SV2B: variants seen among roughly 807,000 people sequenced by gnomAD.
SV2B encodes solute carrier family 22 member B2.
A neutral mutation model predicts 73.9 loss-of-function variants in SV2B; 41 were observed. The observed-to-expected ratio is 0.56, with a 90% CI of 0.43 to 0.72. The LOEUF (loss-of-function observed/expected upper bound fraction) is 0.72, where lower values mean the gene tolerates loss of function less well. SV2B is among the 30% of genes least tolerant of loss of function. SV2B has a pLI of 0.00. For missense variants in SV2B, 764 were observed against 857.8 expected (o/e 0.89, Z 1.37); for synonymous variants, 314 against 314.2 (o/e 1.00, Z 0.01).
At chr15:91,256,906 T>C (rs1301339000) in intron 4 of SV2B, among the ~76,000 whole-genome samples, 2 of 152,196 alleles carry the variant, frequency 1.3e-5, no homozygotes, top group African/African-American at 2.4e-5. Flanking sequence ...TAATAAAAAT[T>C]CAAGGCAAGC....
intron 1 of SV2B, among the ~76,000 whole-genome samples, chr15:91,210,814 G>A (rs566788859): frequency 6.6e-6 from 1 of 152,360 alleles, no homozygotes; most frequent in African/African-American, 2.4e-5. Flanking sequence ...AATATCTTAT[G>A]TGTGAAGAGA....
Position 91,252,007 on chromosome 15 carries a change from C to G in SV2B, c.632+8C>G, listed in dbSNP as rs2047506084. 1 of 1,613,372 alleles carries G rather than the reference C, an allele frequency of 6.2e-7. No individual in the cohort carries two copies. Among genetic ancestry groups the G allele is most frequent in the South Asian group, 1.1e-5 (1 of 90,972 alleles). ...ACTCATCTCAGGCATCGGGTATGTT[C>G]TTAGGGAGGTGGAGCTGGACCATCC... On this transcript the variant is annotated splice_region_variant and intron_variant, in intron 3 of 12. Transcript: ENST00000394232. This position sits in a 1 kb window ranked among gnomAD's most constrained non-coding sequence, Gnocchi z 4.6.
At position 91,115,706 on chromosome 15, in the gene SV2B, G is replaced by A. The variant is rs2042160436; in HGVS notation, c.-392+15343G>A. On this transcript the variant is annotated intron_variant, in intron 1 of 12. Transcript: ENST00000394232. This position sits in a 1 kb window ranked among gnomAD's most constrained non-coding sequence, Gnocchi z 4.3. ...TTATTTTTTTCTAAGGGGTTTCTAA[G>A]GGGTTCACATTTTTATAACCATCTC... Among the ~76,000 whole-genome samples the A allele has an allele frequency of 6.6e-6, 1 of 151,986 alleles. No homozygotes were observed. The highest frequency in any genetic ancestry group is 1.5e-5 in the Non-Finnish European group (1 of 68,000).
chr15:91,101,168 A>C (rs2151710064), intron 1 of SV2B, among the ~76,000 whole-genome samples: 1 of 151,920 alleles, frequency 6.6e-6, no homozygotes, highest in Admixed American at 6.5e-5. Context: ...ACGCTGGGGG[A>C]ATGCTTGCTG....
In SV2B at chr15:91,129,714, G is replaced by A. The variant is rs1049467433; in HGVS notation, c.-392+29351G>A. Among the ~76,000 whole-genome samples, 2 of 152,348 alleles carry A rather than the reference G, an allele frequency of 1.3e-5. No homozygotes were observed. The highest frequency in any genetic ancestry group is 4.8e-5 in the African/African-American group (2 of 41,586). On this transcript the variant is annotated intron_variant, in intron 1 of 12. Transcript: ENST00000394232. This position sits in a 1 kb window ranked among gnomAD's most constrained non-coding sequence, Gnocchi z 5.1. ...ATCTGTTTGATGTGATACGGTCTGT[G>A]GATGGAGGCAGTATAACTTCGTGGC...
In SV2B at chr15:91,280,348, C is replaced by T. The variant is rs145815868; in HGVS notation, c.1374-1380C>T. 1.8e-4 allele frequency among the ~76,000 whole-genome samples: 28 copies of T among 152,244 alleles called. No homozygotes were observed. In the East Asian group the frequency reaches 5.0e-3, roughly 27 times the overall value. On this transcript the variant is annotated intron_variant, in intron 9 of 12. Coordinates refer to ENST00000394232, the MANE Select transcript of SV2B (RefSeq NM_001323032.3). The surrounding 1 kb of genome is among the most constrained non-coding windows in gnomAD (Gnocchi z 5.8). ...GCACCCTGTGCTATCTCTGTCATGCCGATTTCCACTGTATTGTAGTTGCCT... is the reference window on the plus strand; with the variant it reads ...GCACCCTGTGCTATCTCTGTCATGCTGATTTCCACTGTATTGTAGTTGCCT...
intron 1 of SV2B, among the ~76,000 whole-genome samples, chr15:91,209,694 G>A (rs1209917014): frequency 6.6e-6 from 1 of 152,090 alleles, no homozygotes; most frequent in Non-Finnish European, 1.5e-5. Flanking sequence ...TCTCTCCAGG[G>A]GTATGACGTT....
rs530731472 is a variant in SV2B, at chr15:91,275,901, A to G, written c.1374-5827A>G. Among the ~76,000 whole-genome samples the G allele has an allele frequency of 1.7e-4, 26 of 152,326 alleles. No individual in the cohort carries two copies. In the South Asian group the frequency reaches 3.5e-3, roughly 21 times the overall value. On this transcript the variant is annotated intron_variant, in intron 9 of 12. Transcript: ENST00000394232. ...TTGTGAACATCCAAGTTTCAAATGT[A>G]GATAGGTATTATATTTCTTATGCCT... is the stretch of plus-strand genomic sequence containing the variant.
chr15:91,228,833 G>A (rs966396207), intron 2 of SV2B, among the ~76,000 whole-genome samples: 6 of 152,326 alleles, frequency 3.9e-5, no homozygotes, highest in Middle Eastern at 3.4e-3. Flanking sequence ...GTGTCTAAAT[G>A]GATCCAGGGG....
chr15:91,197,598 A>G lies in SV2B; in HGVS notation c.-391-28275A>G, dbSNP rs972194586. Among the ~76,000 whole-genome samples the G allele has an allele frequency of 3.1e-4, 47 of 152,220 alleles. No individual in the cohort carries two copies. The highest frequency in any genetic ancestry group is 1.1e-3 in the African/African-American group (45 of 41,462). ...ACAAAACAAAATCACTGTAAAGACAAGAATGGATAAGTAAGGAGAGTTATC... is the reference window on the plus strand; with the variant it reads ...ACAAAACAAAATCACTGTAAAGACAGGAATGGATAAGTAAGGAGAGTTATC... On this transcript the variant is annotated intron_variant, in intron 1 of 12. Transcript: ENST00000394232. The surrounding 1 kb of genome is among the most constrained non-coding windows in gnomAD (Gnocchi z 4.9).
rs16945481 is a variant in SV2B, at chr15:91,261,830, T to C, written c.1008+1421T>C. On this transcript the variant is annotated intron_variant, in intron 6 of 12. Transcript: ENST00000394232. This position sits in a 1 kb window ranked among gnomAD's most constrained non-coding sequence, Gnocchi z 4.7. ...TGGTAAATGGTAATTTCTATGAAGATGGCCTGATAGTTACAGAGACGCTGT... is the reference window on the plus strand; with the variant it reads ...TGGTAAATGGTAATTTCTATGAAGACGGCCTGATAGTTACAGAGACGCTGT... Among the ~76,000 whole-genome samples the C allele has an allele frequency of 0.13, 19,842 of 152,216 alleles. 1,412 individuals are homozygous for C. Among genetic ancestry groups the C allele is most frequent in the African/African-American group, 0.15 (6,286 of 41,500 alleles).
At chr15:91,101,843 G>A (rs1205542045) in intron 1 of SV2B, 5 of 152,194 alleles carry the variant, frequency 3.3e-5, no homozygotes, top group African/African-American at 1.2e-4. Context: ...CCAGAGAGGA[G>A]CACACACAAT....
intron 1 of SV2B, among the ~76,000 whole-genome samples, chr15:91,168,706 T>C (rs72764762): frequency 0.065 from 9,968 of 152,308 alleles, 428 homozygotes; most frequent in Non-Finnish European, 0.089. Flanking sequence ...TTGGTTGTTC[T>C]TTGAGTTGTA....
rs767357230 is a variant in SV2B at position 91,158,633 on chromosome 15, C to CCTTTTCTCTTCTCTTCTCTTCTCTT, written c.-392+58272_-392+58273insTTTCTCTTCTCTTCTCTTCTCTTCT. ...AAGGGTGGCCTTTTCTTTTATTTTC[C>CCTTTTCTCTTCTCTTCTCTTCTCTT]CTCTTCTCTTCTCTTCTCTTCTCTT... On this transcript the variant is annotated intron_variant, in intron 1 of 12. Coordinates refer to ENST00000394232, the MANE Select transcript of SV2B (RefSeq NM_001323032.3). Among the ~76,000 whole-genome samples, 320 of 54,454 alleles carry CCTTTTCTCTTCTCTTCTCTTCTCTT rather than the reference C, an allele frequency of 5.9e-3. 87 individuals are homozygous for CCTTTTCTCTTCTCTTCTCTTCTCTT. Among genetic ancestry groups the CCTTTTCTCTTCTCTTCTCTTCTCTT allele is most frequent in the African/African-American group, 0.016 (226 of 14,488 alleles). 35.7% of individuals were successfully genotyped at this position (54,454 alleles called of 152,430 possible). A position where few individuals can be genotyped will look rare whatever the true frequency, so the allele number is the denominator to read the frequency against.
intron 1 of SV2B, among the ~76,000 whole-genome samples, chr15:91,150,062 T>C (rs1362886596): frequency 6.6e-6 from 1 of 152,172 alleles, no homozygotes; most frequent in East Asian, 1.9e-4. Context: ...TGGAGTGCAA[T>C]GGTGCGATCT....
rs1477610156 is a variant in SV2B at position 91,118,764 on chromosome 15, G to GTCA, written c.-392+18412_-392+18414dup. Among the ~76,000 whole-genome samples, 2 of 152,202 alleles carry GTCA rather than the reference G, an allele frequency of 1.3e-5. No individual in the cohort carries two copies. Among genetic ancestry groups the GTCA allele is most frequent in the East Asian group, 1.9e-4 (1 of 5,192 alleles). Reference sequence around the variant, plus strand: ...CCATGCCAGGGAGGGACATCTCTCTGTCATCATCATCATAATAGCTCTTGC... The same window carrying GTCA: ...CCATGCCAGGGAGGGACATCTCTCTGTCATCATCATCATCATAATAGCTCTTGC... On this transcript the variant is annotated intron_variant, in intron 1 of 12. Transcript: ENST00000394232. The surrounding 1 kb of genome is among the most constrained non-coding windows in gnomAD (Gnocchi z 4.7).
At chr15:91,273,764 T>G (rs562347769) in intron 9 of SV2B, among the ~76,000 whole-genome samples, 3 of 152,308 alleles carry the variant, frequency 2.0e-5, no homozygotes, top group South Asian at 2.1e-4. Flanking sequence ...ACTCCAGATG[T>G]CAAAATTGAT....
intron 1 of SV2B, among the ~76,000 whole-genome samples, chr15:91,206,421 A>G (rs2045643718): frequency 6.6e-6 from 1 of 152,122 alleles, no homozygotes; most frequent in Non-Finnish European, 1.5e-5. Flanking sequence ...TGGCATTGTC[A>G]TACATGGGTG....
At chr15:91,237,263 C>T (rs2046820958) in intron 2 of SV2B, among the ~76,000 whole-genome samples, 2 of 152,140 alleles carry the variant, frequency 1.3e-5, no homozygotes, top group African/African-American at 2.4e-5. Context: ...ACATGTTGGG[C>T]TGGACAATTC....
Sources: gnomAD v4.1 joint callset for allele counts (sites outside exome capture counted in the v4.1 genomes callset) on GRCh38, gnomAD v4.1.1 for gene constraint, Gnocchi (gnomAD v3.1) non-coding constraint, MANE v1.5 for transcripts, NCBI Gene and HGNC (gene_info 2026-07-23, HGNC 2026-07-21) for gene names.